Variants in IFT140 observed in about 807,000 individuals in gnomAD.
IFT140 encodes the protein intraflagellar transport 140, also known as intraflagellar transport protein 140 homolog.
IFT140 carries 133 observed loss-of-function variants against 164.6 expected under a neutral mutation model. The observed-to-expected ratio is 0.81, with a 90% CI of 0.70 to 0.93. The LOEUF (loss-of-function observed/expected upper bound fraction) is 0.93, where lower values mean the gene tolerates loss of function less well. Among genes scored for constraint, IFT140 ranks in the 40% least tolerant of loss-of-function variants. IFT140 has a pLI of 0.00. For missense variants in IFT140, 2,045 were observed against 1,972.3 expected, an observed-to-expected ratio of 1.04 and a Z score of -0.70; for synonymous variants, 860 against 817.3, an observed-to-expected ratio of 1.05 and a Z score of -0.89.
intron 12 of IFT140, among the ~76,000 whole-genome samples, chr16:1,582,033 C>T (rs1013042225): frequency 1.3e-5 from 2 of 151,908 alleles, no homozygotes; most frequent in African/African-American, 2.4e-5. Flanking sequence ...GCATGACACG[C>T]GGCCTCCTGT....
At position 1,553,554 on chromosome 16, in the gene IFT140, G is replaced by C. The variant is rs1030935842; in HGVS notation, c.2399+4381C>G. The C allele has an allele frequency of 2.0e-6, 2 of 1,002,394 alleles. No individual in the cohort carries two copies. The highest frequency in any genetic ancestry group is 2.4e-6 in the Non-Finnish European group (2 of 839,210). The allele number at this position is 1,002,394 out of a possible 1,614,324, so 62.1% of individuals were successfully genotyped here. A position where few individuals can be genotyped will look rare whatever the true frequency, so the allele number is the denominator to read the frequency against. The stretch of plus-strand genomic sequence containing the variant: ...AGTCCTCTATGGACAAGAGGGGCTG[G>C]AGAGTTTAATCTGGACCAGTGTAAG... On this transcript the variant is annotated intron_variant, in intron 19 of 30. Coordinates refer to ENST00000426508, the MANE Select transcript of IFT140 (RefSeq NM_014714.4). The surrounding 1 kb of genome is among the most constrained non-coding windows in gnomAD (Gnocchi z 4.4).
chr16:1,541,059 G>A lies in IFT140; in HGVS notation c.2400-14263C>T, dbSNP rs973838913. 3 of 985,332 alleles carry A rather than the reference G, an allele frequency of 3.0e-6. No homozygotes were observed. In the African/African-American group the frequency reaches 5.2e-5, roughly 17 times the overall value. 61.0% of individuals were successfully genotyped at this position (985,332 alleles called of 1,614,324 possible). On this transcript the variant is annotated intron_variant, in intron 19 of 30. Coordinates refer to ENST00000426508, the MANE Select transcript of IFT140 (RefSeq NM_014714.4). ...AGAAACGTGACGAGCCCTGGTCCCT[G>A]AGGGCAACAAACGCACCTCCCTCTG...
intron 17 of IFT140, among the ~76,000 whole-genome samples, chr16:1,563,164 G>A (rs1285434627): frequency 6.6e-6 from 1 of 151,992 alleles, no homozygotes; most frequent in Admixed American, 6.5e-5. Context: ...TTGAAGTGGC[G>A]CCTCGGGCAG....
rs765939872 is a variant in IFT140, at chr16:1,525,299, G to A, written c.2796C>T (p.Phe932=). The change falls in exon 22 of 31, where the codon TTC becomes TTT. Residue 932 remains phenylalanine, a synonymous_variant. Transcript: ENST00000426508. ...CCTCCGACAGCATCCTGGGCACCTC[G>A]AAGCGGTGCGTGTCCGACTTCTCGT... The part of the protein sequence containing the change: ...SYYEKSDTHR[F]EVPRMLSEDL... 1.5e-5 allele frequency: 24 copies of A among 1,612,312 alleles called. No individual in the cohort carries two copies. The highest frequency in any genetic ancestry group is 2.2e-5 in the East Asian group (1 of 44,884).
chr16:1,524,083 G>A (rs2040602673), intron 24 of IFT140, 127 bp from the exon 25 acceptor site: 18 of 1,245,540 alleles, frequency 1.4e-5, no homozygotes, highest in Non-Finnish European at 1.9e-5. Flanking sequence ...GATCTCTGCG[G>A]TGATGGGTTT....
chr16:1,596,522 CA>C (rs2035473516), intron 4 of IFT140, among the ~76,000 whole-genome samples: 1 of 152,144 alleles, frequency 6.6e-6, no homozygotes, highest in African/African-American at 2.4e-5. Context: ...TTGTTGGATG[CA>C]AAAGTTTAGA....
At chr16:1,535,002 C>T (rs1011110755) in intron 19 of IFT140, among the ~76,000 whole-genome samples, 1 of 151,846 alleles carries the variant, frequency 6.6e-6, no homozygotes, top group African/African-American at 2.4e-5. Context: ...GCCAAGAGTT[C>T]AAGACGAACC....
At chr16:1,554,188 T>A in intron 19 of IFT140, 1 of 1,218,538 alleles carries the variant, frequency 8.2e-7, no homozygotes, top group Non-Finnish European at 1.1e-6. Context: ...CCGCCCTGCC[T>A]GAGCTGCAGA....
chr16:1,593,835 C>A (rs2035315761), intron 4 of IFT140, among the ~76,000 whole-genome samples: 1 of 152,064 alleles, frequency 6.6e-6, no homozygotes, highest in African/African-American at 2.4e-5. Context: ...GCAGCTCTTC[C>A]CCGGATCCCC....
intron 19 of IFT140, among the ~76,000 whole-genome samples, chr16:1,550,880 C>T (rs1316115577): frequency 6.6e-6 from 1 of 152,240 alleles, no homozygotes; most frequent in Non-Finnish European, 1.5e-5. Context: ...GCGTGGTCCC[C>T]GGCGTGCCAG....
At chr16:1,545,788 C>T (rs565961471) in intron 19 of IFT140, among the ~76,000 whole-genome samples, 4 of 152,306 alleles carry the variant, frequency 2.6e-5, no homozygotes, top group Non-Finnish European at 5.9e-5. Flanking sequence ...CAAAGAGAGG[C>T]GATGGGGCCT....
intron 30 of IFT140, 113 bp from the exon 31 acceptor site, chr16:1,511,263 G>T: frequency 1.1e-6 from 1 of 942,836 alleles, no homozygotes; most frequent in Non-Finnish European, 1.7e-6. Flanking sequence ...GTGCCTCCGC[G>T]CTGGAGGACA....
intron 2 of IFT140, among the ~76,000 whole-genome samples, chr16:1,608,891 C>T (rs570246720): frequency 6.6e-6 from 1 of 152,148 alleles, no homozygotes; most frequent in South Asian, 2.1e-4. Flanking sequence ...CATGGTGGCT[C>T]ATGCCTGTAA....
At chr16:1,569,882 C>A (rs2141616588) in intron 14 of IFT140, among the ~76,000 whole-genome samples, 1 of 151,166 alleles carries the variant, frequency 6.6e-6, no homozygotes, top group South Asian at 2.1e-4. Context: ...AATGGGCCAC[C>A]CAGAAAAAAA....
Position 1,531,884 on chromosome 16 carries a change from G to C in IFT140, c.2400-5088C>G, listed in dbSNP as rs1290294924. ...GGAAAGGACCAGAGCGGGCCGCTGAGACAATCAAACGTGTCCTCTGGGCTC... is the reference window on the plus strand; with the variant it reads ...GGAAAGGACCAGAGCGGGCCGCTGACACAATCAAACGTGTCCTCTGGGCTC... On this transcript the variant is annotated intron_variant, in intron 19 of 30. Transcript: ENST00000426508. This position sits in a 1 kb window ranked among gnomAD's most constrained non-coding sequence, Gnocchi z 4.7. 1 of 152,298 alleles carries C rather than the reference G, an allele frequency of 6.6e-6. No individual in the cohort carries two copies. Among genetic ancestry groups the C allele is most frequent in the Non-Finnish European group, 1.5e-5 (1 of 68,072 alleles). The allele number at this position is 152,298 out of a possible 1,614,324, so 9.4% of individuals were successfully genotyped here.
chr16:1,511,254 T>G (rs1596281366), intron 30 of IFT140, 104 bp from the exon 31 acceptor site: 2 of 1,064,536 alleles, frequency 1.9e-6, no homozygotes, highest in Non-Finnish European at 2.8e-6. Flanking sequence ...CGGGTGGGGG[T>G]GCCTCCGCGC....
chr16:1,589,460 C>T, intron 7 of IFT140, 145 bp downstream of exon 7: 2 of 681,214 alleles, frequency 2.9e-6, no homozygotes, highest in Non-Finnish European at 5.0e-6. Context: ...TAAATAATGA[C>T]ACCGCTAGCT....
At chr16:1,588,780 A>C (rs1184658087) in intron 7 of IFT140, among the ~76,000 whole-genome samples, 4 of 152,140 alleles carry the variant, frequency 2.6e-5, no homozygotes, top group Admixed American at 2.6e-4. Flanking sequence ...CCCCAAACTC[A>C]TATGTGGGAG....
chr16:1,594,857 G>A (rs1031339852), intron 4 of IFT140, among the ~76,000 whole-genome samples: 3 of 152,210 alleles, frequency 2.0e-5, no homozygotes, highest in Non-Finnish European at 4.4e-5. Context: ...CCCAAAACTG[G>A]GGGCCCTTTA....
Sources: gnomAD v4.1 joint callset for allele counts (sites outside exome capture counted in the v4.1 genomes callset) on GRCh38, gnomAD v4.1.1 for gene constraint, Gnocchi (gnomAD v3.1) non-coding constraint, MANE v1.5 for transcripts, NCBI Gene and HGNC (gene_info 2026-07-23, HGNC 2026-07-21) for gene names.